The following PDE4D variants were observed in gnomAD, a reference collection of about 807,000 sequenced individuals.
The protein encoded by PDE4D is phosphodiesterase 4D.
Under a neutral mutation model 87.4 loss-of-function variants are expected in PDE4D, and 24 were observed. That is an observed-to-expected ratio of 0.27 (90% CI 0.20 to 0.39). PDE4D has a LOEUF of 0.39. Among genes scored for constraint, PDE4D ranks in the 10% least tolerant of loss-of-function variants. The probability of loss-of-function intolerance (pLI) is 1.00; values close to 1 mark genes in which losing one functional copy is unlikely to be tolerated. For missense variants in PDE4D, 714 were observed against 1,041.0 expected (o/e 0.69, Z 4.32); for synonymous variants, 384 against 383.2 (o/e 1.00, Z -0.02).
intron 1 of PDE4D, among the ~76,000 whole-genome samples, chr5:60,194,437 G>C (rs1740970390): frequency 6.6e-6 from 1 of 151,688 alleles, no homozygotes; most frequent in South Asian, 2.1e-4. Flanking sequence ...TCTAAAATAT[G>C]AGTGATACCA....
intron 3 of PDE4D, among the ~76,000 whole-genome samples, chr5:59,187,449 C>G (rs1743175159): frequency 1.3e-5 from 2 of 152,068 alleles, no homozygotes; most frequent in Admixed American, 1.3e-4. Context: ...AACAGATTAA[C>G]CTGGGGAGGG....
intron 1 of PDE4D, among the ~76,000 whole-genome samples, chr5:60,250,207 T>C (rs1748269490): frequency 6.6e-6 from 1 of 152,004 alleles, no homozygotes; most frequent in African/African-American, 2.4e-5. Flanking sequence ...TTTTTCCTAA[T>C]ACTGTGCAGA....
intron 1 of PDE4D, among the ~76,000 whole-genome samples, chr5:60,281,262 G>A (rs188477340): frequency 2.0e-5 from 3 of 152,084 alleles, no homozygotes; most frequent in Admixed American, 6.6e-5. Context: ...TTCTCCAAAC[G>A]TACAAGAAAG....
At chr5:59,252,756 G>T (rs1472943142) in intron 1 of PDE4D, among the ~76,000 whole-genome samples, 2 of 151,962 alleles carry the variant, frequency 1.3e-5, no homozygotes, top group Non-Finnish European at 2.9e-5. Context: ...TACATTCCTG[G>T]ACTCAAGTGA....
intron 5 of PDE4D, among the ~76,000 whole-genome samples, chr5:59,168,416 A>T (rs1008503617): frequency 6.6e-6 from 1 of 152,166 alleles, no homozygotes; most frequent in Middle Eastern, 3.2e-3. Context: ...TTCCTTGTCA[A>T]TGCTCTGCCC....
At chr5:59,382,376 CTCTAT>C (rs557586041) in intron 1 of PDE4D, among the ~76,000 whole-genome samples, 3 of 152,162 alleles carry the variant, frequency 2.0e-5, no homozygotes, top group Non-Finnish European at 4.4e-5. Context: ...GATACCATAC[CTCTAT>C]TCCACAAGCA....
intron 11 of PDE4D, among the ~76,000 whole-genome samples, chr5:58,982,653 T>C (rs1225609618): frequency 6.6e-6 from 1 of 151,868 alleles, no homozygotes; most frequent in Non-Finnish European, 1.5e-5. Flanking sequence ...TATATGGGGG[T>C]TCAGTGTTGG....
chr5:60,372,052 T>C (rs1466435309), intron 1 of PDE4D, among the ~76,000 whole-genome samples: 1 of 152,208 alleles, frequency 6.6e-6, no homozygotes, highest in Non-Finnish European at 1.5e-5. Context: ...ATGGTTTTCA[T>C]AGATACTGAA....
At chr5:59,912,568 GT>G (rs1168878913) in intron 3 of PDE4D, among the ~76,000 whole-genome samples, 2 of 152,108 alleles carry the variant, frequency 1.3e-5, no homozygotes, top group Non-Finnish European at 2.9e-5. Context: ...TTAATTTTGT[GT>G]TTTTTTAAAT....
chr5:60,210,496 G>A (rs1583083320), intron 1 of PDE4D, among the ~76,000 whole-genome samples: 1 of 152,162 alleles, frequency 6.6e-6, no homozygotes, highest in South Asian at 2.1e-4. Flanking sequence ...AAATAAAGCT[G>A]CATTCCACCA....
chr5:59,547,175 A>G (rs1371711261), intron 1 of PDE4D, among the ~76,000 whole-genome samples: 1 of 152,214 alleles, frequency 6.6e-6, no homozygotes, highest in Non-Finnish European at 1.5e-5. Flanking sequence ...AGGAGTAAAA[A>G]TACTTTCAAT....
intron 1 of PDE4D, among the ~76,000 whole-genome samples, chr5:59,891,808 A>ACACAC (rs1750998903): frequency 1.0e-5 from 1 of 96,074 alleles, no homozygotes; most frequent in Non-Finnish European, 2.3e-5. Flanking sequence ...CACACACACA[A>ACACAC]AACTCAAACA....
intron 3 of PDE4D, among the ~76,000 whole-genome samples, chr5:59,935,667 C>A (rs1448869297): frequency 6.6e-6 from 1 of 152,138 alleles, no homozygotes; most frequent in Non-Finnish European, 1.5e-5. Flanking sequence ...GTCACTATTG[C>A]TAAAACCAAC....
At chr5:59,586,401 T>C in intron 1 of PDE4D, 1 of 1,609,110 alleles carries the variant, frequency 6.2e-7, no homozygotes, top group Non-Finnish European at 8.5e-7. Flanking sequence ...GTCATTAATA[T>C]TTTTCTTGTC....
intron 2 of PDE4D, among the ~76,000 whole-genome samples, chr5:59,201,127 G>A (rs955779109): frequency 6.6e-6 from 1 of 151,914 alleles, no homozygotes; most frequent in African/African-American, 2.4e-5. Flanking sequence ...ATAATCATAT[G>A]GGTTTTTCAG....
At chr5:60,440,348 AT>A (rs1340422217) in intron 1 of PDE4D, among the ~76,000 whole-genome samples, 3 of 152,172 alleles carry the variant, frequency 2.0e-5, no homozygotes, top group African/African-American at 4.8e-5. Context: ...TACAAAAAAA[AT>A]AAACACAAAC....
chr5:59,288,948 C>A (rs1048461531), intron 1 of PDE4D, among the ~76,000 whole-genome samples: 5 of 152,042 alleles, frequency 3.3e-5, no homozygotes, highest in East Asian at 1.9e-4. Flanking sequence ...CTAAAGAATT[C>A]TCTTCAATCT....
chr5:59,645,097 C>G (rs1742228611), intron 1 of PDE4D, among the ~76,000 whole-genome samples: 1 of 152,036 alleles, frequency 6.6e-6, no homozygotes, highest in African/African-American at 2.4e-5. Context: ...TAAGAAATAC[C>G]CCTTGAGAAA....
intron 2 of PDE4D, among the ~76,000 whole-genome samples, chr5:60,106,378 A>G (rs1215313130): frequency 1.3e-5 from 2 of 151,366 alleles, no homozygotes; most frequent in African/African-American, 2.4e-5. Context: ...GTGACCTACA[A>G]AGAGACTTAG....
Sources: allele counts gnomAD v4.1 joint callset (sites outside exome capture counted in the v4.1 genomes callset), GRCh38; gene constraint gnomAD v4.1.1; transcripts MANE v1.5; gene names NCBI Gene and HGNC (gene_info 2026-07-23, HGNC 2026-07-21).